Variants in SLC27A3 observed in about 807,000 individuals in gnomAD.
SLC27A3 encodes long-chain fatty acid transport protein 3.
In SLC27A3, 60 loss-of-function variants were observed where a neutral mutation model predicts 60.1. That is an observed-to-expected ratio of 1.00 (90% CI 0.81 to 1.24). SLC27A3 has a LOEUF of 1.24. Ranked by LOEUF, SLC27A3 falls within the 50% of genes most tolerant of loss-of-function variation. The pLI is 0.00. For synonymous variants in SLC27A3, 455 were observed against 409.0 expected, an observed-to-expected ratio of 1.11 and a Z score of -1.36; for missense variants, 1,079 against 929.9, an observed-to-expected ratio of 1.16 and a Z score of -2.09.
In SLC27A3 at chr1:153,775,659, T is replaced by G. The variant is rs1673156566; in HGVS notation, c.162T>G (p.Ala54=). Residue 54 remains alanine (A), a synonymous_variant, in exon 1 of 10, where the codon GCT becomes GCG. Coordinates refer to ENST00000624995, the MANE Select transcript of SLC27A3 (RefSeq NM_024330.4). ...RALRARALAA[A]AADPEGPEGG... Reference sequence around the variant, plus strand: ...TTCGAGCTCGCGCCCTGGCCGCGGCTGCCGCCGACCCGGAAGGTCCCGAGG... The same window carrying G: ...TTCGAGCTCGCGCCCTGGCCGCGGCGGCCGCCGACCCGGAAGGTCCCGAGG... 6.5e-7 allele frequency: 1 copy of G among 1,530,990 alleles called. No homozygotes were observed. Among genetic ancestry groups the G allele is most frequent in the Non-Finnish European group, 8.8e-7 (1 of 1,140,002 alleles). 94.8% of individuals were successfully genotyped at this position (1,530,990 alleles called of 1,614,324 possible). A position where few individuals can be genotyped will look rare whatever the true frequency, so the allele number is the denominator to read the frequency against.
At chr1:153,779,680 T>C in intron 9 of SLC27A3, 146 bp from the exon 10 acceptor site, 1 of 921,338 alleles carries the variant, frequency 1.1e-6, no homozygotes, top group Non-Finnish European at 1.6e-6. Context: ...GGCCTGGCTC[T>C]TTCTCCTCCC....
chr1:153,776,274 A>C (rs1673218718), intron 1 of SLC27A3, 110 bp downstream of exon 1: 1 of 1,419,224 alleles, frequency 7.0e-7, no homozygotes, highest in African/African-American at 1.4e-5. Flanking sequence ...GAAGCCGACT[A>C]TCCCTTGGGG....
Position 153,775,527 on chromosome 1 carries a change from G to T in SLC27A3, c.30G>T (p.Leu10=). The part of the protein sequence containing the change: MAALLLLPL[L]LLLPLLLLKL... Reference sequence around the variant, plus strand: ...CTGCCCTCCTGCTGCTGCCCCTGCTGCTGTTGCTACCGCTGCTGCTGCTGA... The same window carrying T: ...CTGCCCTCCTGCTGCTGCCCCTGCTTCTGTTGCTACCGCTGCTGCTGCTGA... The change falls in exon 1 of 10, where the codon CTG becomes CTT. Residue 10 remains leucine (L), a synonymous_variant. Coordinates refer to ENST00000624995, the MANE Select transcript of SLC27A3 (RefSeq NM_024330.4). The T allele has an allele frequency of 6.2e-7, 1 of 1,612,936 alleles. No homozygotes were observed. The highest frequency in any genetic ancestry group is 8.5e-7 in the Non-Finnish European group (1 of 1,180,000).
At chr1:153,777,734 T>G in intron 3 of SLC27A3, 27 bp from the exon 4 acceptor site, 1 of 1,586,246 alleles carries the variant, frequency 6.3e-7, no homozygotes, top group Non-Finnish European at 8.6e-7. Flanking sequence ...CTTACCTCCC[T>G]TCTTCCCCCC....
chr1:153,778,621 G>A lies in SLC27A3; in HGVS notation c.1448-66G>A, dbSNP rs922293490. 5.6e-6 allele frequency: 9 copies of A among 1,607,886 alleles called. No homozygotes were observed. The African/African-American group carries it at 6.7e-5, about 12-fold the overall frequency. ...CACAGGAGGACTGGAATTGGAGACT[G>A]GGGTGGATGGGGGCAGAAGGCTCTG... On this transcript the variant is annotated intron_variant, in intron 6 of 9. Transcript: ENST00000624995.
At chr1:153,776,187 A>C in intron 1 of SLC27A3, 23 bp downstream of exon 1, 1 of 1,412,744 alleles carries the variant, frequency 7.1e-7, no homozygotes, top group Non-Finnish European at 9.2e-7. Context: ...CTCCGAACTG[A>C]CTAAGGCGGG....
chr1:153,776,239 T>C (rs1435028153), intron 1 of SLC27A3, 75 bp downstream of exon 1: 13 of 1,412,166 alleles, frequency 9.2e-6, no homozygotes, highest in African/African-American at 1.4e-5. Flanking sequence ...ACAGAAAGGC[T>C]TGGTCTCATC....
intron 3 of SLC27A3, 82 bp downstream of exon 3, chr1:153,777,302 T>C (rs765737407): frequency 4.8e-5 from 73 of 1,516,136 alleles, no homozygotes; most frequent in Non-Finnish European, 5.9e-5. Context: ...TCCTCCAGGG[T>C]AGATAATCTA....
intron 2 of SLC27A3, 41 bp from the exon 3 acceptor site, chr1:153,777,014 CTTGGAGT>C: frequency 6.2e-7 from 1 of 1,600,530 alleles, no homozygotes; most frequent in African/African-American, 1.3e-5. Context: ...ATAGGTAGAG[CTTGGAGT>C]TTGCCCTTCC....
rs368098884 is a variant in SLC27A3, at chr1:153,779,976, C to A, written c.2026C>A (p.Leu676Ile). The A allele has an allele frequency of 5.0e-6, 8 of 1,613,640 alleles. No homozygotes were observed. The East Asian group carries it at 6.7e-5, about 13-fold the overall frequency. ...LPLTTARYSALLAGNLRI is the reference protein window; with the variant it reads ...LPLTTARYSAILAGNLRI ...CCTCACAACTGCCCGGTACAGCGCC[C>A]TCCTGGCAGGAAACCTTCGAATCTG... Residue 676 changes from leucine (L) to isoleucine (I), a missense_variant, in exon 10 of 10, where the codon CTC becomes ATC. Transcript: ENST00000624995.
chr1:153,778,314 G>A lies in SLC27A3; in HGVS notation c.1315G>A (p.Gly439Arg), dbSNP rs376964990. ...CAACGTGGCCACCATCAACTACACA[G>A]GACAGCGGGGCGCTGTGGGGCGTGC... ...EGNVATINYT[G>R]QRGAVGRASW... Residue 439 changes from glycine (G) to arginine (R), a missense_variant, in exon 5 of 10, where the codon GGA becomes AGA. Coordinates refer to ENST00000624995, the MANE Select transcript of SLC27A3 (RefSeq NM_024330.4). 6 of 1,614,066 alleles carry A rather than the reference G, an allele frequency of 3.7e-6. No individual in the cohort carries two copies. Among genetic ancestry groups the A allele is most frequent in the Admixed American group, 1.7e-5 (1 of 60,008 alleles).
At position 153,780,082 on chromosome 1, in the gene SLC27A3, CT is replaced by C. The variant is rs1673464320; in HGVS notation, c.*84del. 9.7e-5 allele frequency: 125 copies of C among 1,285,856 alleles called. 2 individuals carry two copies. In the South Asian group the frequency reaches 1.7e-3, roughly 17 times the overall value. The allele number at this position is 1,285,856 out of a possible 1,614,324, so 79.7% of individuals were successfully genotyped here. A position where few individuals can be genotyped will look rare whatever the true frequency, so the allele number is the denominator to read the frequency against. On this transcript the variant is annotated 3_prime_UTR_variant, in exon 10 of 10. Transcript: ENST00000624995. ...GCAGGTGTACTGGGCTGTCAGGGATCTTTTCTATACCAGAACTGCGGTCACT... is the reference window on the plus strand; with the variant it reads ...GCAGGTGTACTGGGCTGTCAGGGATCTTTCTATACCAGAACTGCGGTCACT...
intron 5 of SLC27A3, 47 bp downstream of exon 5, chr1:153,778,402 T>C: frequency 6.2e-7 from 1 of 1,613,772 alleles, no homozygotes; most frequent in Non-Finnish European, 8.5e-7. Context: ...AGCAGAGGGC[T>C]GGCAGGAGAG....
intron 4 of SLC27A3, 54 bp downstream of exon 4, chr1:153,777,939 G>A: frequency 1.2e-6 from 2 of 1,611,330 alleles, no homozygotes; most frequent in East Asian, 2.2e-5. Flanking sequence ...AGCTCACGGG[G>A]AGCAGGACAG....
chr1:153,776,622 C>T lies in SLC27A3; in HGVS notation c.772C>T (p.Leu258=), dbSNP rs1329655345. Residue 258 remains leucine, a synonymous_variant, in exon 2 of 10, where the codon CTG becomes TTG. Transcript: ENST00000624995. ...CCACCCTGCTGGAATTAGCGATTTGCTGGCTGAAGTGTCCGCTGAAGTGGA... is the reference window on the plus strand; with the variant it reads ...CCACCCTGCTGGAATTAGCGATTTGTTGGCTGAAGTGTCCGCTGAAGTGGA... The part of the protein sequence containing the change: ...GTHPAGISDL[L]AEVSAEVDGP... The T allele has an allele frequency of 6.2e-7, 1 of 1,614,202 alleles. No individual in the cohort carries two copies. The highest frequency in any genetic ancestry group is 8.5e-7 in the Non-Finnish European group (1 of 1,180,018).
At chr1:153,778,399 G>C in intron 5 of SLC27A3, 44 bp downstream of exon 5, 1 of 1,613,844 alleles carries the variant, frequency 6.2e-7, no homozygotes, top group Non-Finnish European at 8.5e-7. Flanking sequence ...AACAGCAGAG[G>C]GCTGGCAGGA....
Position 153,777,837 on chromosome 1 carries a change from G to C in SLC27A3, c.1113G>C (p.Val371=). Residue 371 remains valine, a synonymous_variant, in exon 4 of 10, where the codon GTG becomes GTC. Coordinates refer to ENST00000624995, the MANE Select transcript of SLC27A3 (RefSeq NM_024330.4). ...ATTGCCAGCAGCACAGGGTGACGGT[G>C]TTCCAGTACATTGGGGAGCTGTGCC... ...WEDCQQHRVT[V]FQYIGELCRY... 6.2e-7 allele frequency: 1 copy of C among 1,614,264 alleles called. No individual in the cohort carries two copies. The highest frequency in any genetic ancestry group is 8.5e-7 in the Non-Finnish European group (1 of 1,180,048).
In SLC27A3 at chr1:153,779,814, T is replaced by C; in HGVS notation, c.1876-12T>C. Reference sequence around the variant, plus strand: ...CCCCTTCCCTCCAAATCCCTGACCCTCCTGTCCCCAGGAGTCTTTGGCCAC... The same window carrying C: ...CCCCTTCCCTCCAAATCCCTGACCCCCCTGTCCCCAGGAGTCTTTGGCCAC... On this transcript the variant is annotated splice_polypyrimidine_tract_variant and intron_variant, in intron 9 of 9. Transcript: ENST00000624995. The C allele has an allele frequency of 6.2e-7, 1 of 1,611,736 alleles. No homozygotes were observed. The highest frequency in any genetic ancestry group is 8.5e-7 in the Non-Finnish European group (1 of 1,178,726).
chr1:153,776,147 C>G lies in SLC27A3; in HGVS notation c.650C>G (p.Ala217Gly). ...TGCCTCCGCAGCTGCGGCGCGCGCGCGCTGGTGCTGGCGCCAGGTAAGGCT... is the reference window on the plus strand; with the variant it reads ...TGCCTCCGCAGCTGCGGCGCGCGCGGGCTGGTGCTGGCGCCAGGTAAGGCT... ...LHCLRSCGAR[A>G]LVLAPEFLES... Residue 217 changes from alanine to glycine, a missense_variant, in exon 1 of 10, where the codon GCG (alanine) becomes GGG (glycine). Physicochemically the swap from Ala to Gly is moderately conservative, Grantham distance 60 (BLOSUM62 0). Coordinates refer to ENST00000624995, the MANE Select transcript of SLC27A3 (RefSeq NM_024330.4). 1 of 1,425,184 alleles carries G rather than the reference C, an allele frequency of 7.0e-7. No homozygotes were observed. The highest frequency in any genetic ancestry group is 9.1e-7 in the Non-Finnish European group (1 of 1,102,452). 88.3% of individuals were successfully genotyped at this position (1,425,184 alleles called of 1,614,324 possible).
Sources: allele counts gnomAD v4.1 joint callset, GRCh38; gene constraint gnomAD v4.1.1; transcripts MANE v1.5; gene names NCBI Gene and HGNC (gene_info 2026-07-23, HGNC 2026-07-21).